Variants in CNTNAP2 observed in about 807,000 individuals in gnomAD.
The protein encoded by CNTNAP2 is contactin-associated protein-like 2.
Under a neutral mutation model 155.2 loss-of-function variants are expected in CNTNAP2, and 98 were observed. That is an observed-to-expected ratio of 0.63 (90% CI 0.54 to 0.75). The LOEUF is 0.75. Ranked by LOEUF, CNTNAP2 falls within the 30% of genes least tolerant of loss-of-function variation. The pLI, the probability that CNTNAP2 is intolerant of heterozygous loss-of-function variation, is 0.00. For missense variants in CNTNAP2, 1,727 were observed against 1,688.1 expected (o/e 1.02, Z -0.40); for synonymous variants, 651 against 631.2 (o/e 1.03, Z -0.47).
At chr7:146,280,577 GC>G (rs1284928735) in intron 1 of CNTNAP2, among the ~76,000 whole-genome samples, 2 of 152,126 alleles carry the variant, frequency 1.3e-5, no homozygotes, top group Non-Finnish European at 2.9e-5. Flanking sequence ...GAGAGTCTGA[GC>G]CTCAGTGATT....
chr7:146,763,737 T>C (rs771076572), intron 1 of CNTNAP2, among the ~76,000 whole-genome samples: 3 of 152,364 alleles, frequency 2.0e-5, no homozygotes, highest in Non-Finnish European at 2.9e-5. Context: ...CAGTCATTTC[T>C]TTACCTATAA....
At chr7:147,173,388 G>A (rs1250812643) in intron 8 of CNTNAP2, among the ~76,000 whole-genome samples, 1 of 151,672 alleles carries the variant, frequency 6.6e-6, no homozygotes, top group Non-Finnish European at 1.5e-5. Context: ...TGTTTATGAA[G>A]TACCTAAGAA....
chr7:146,480,687 C>CT (rs34440695), intron 1 of CNTNAP2, among the ~76,000 whole-genome samples: 2,013 of 121,166 alleles, frequency 0.017, 40 homozygotes, highest in African/African-American at 0.034. Flanking sequence ...TTTTTTTTTC[C>CT]TTTTTTTTTT....
chr7:147,195,825 G>A (rs528145203), intron 8 of CNTNAP2, among the ~76,000 whole-genome samples: 72 of 152,102 alleles, frequency 4.7e-4, no homozygotes, highest in South Asian at 3.7e-3. Context: ...TGAGATGATG[G>A]GGTTTTAAGA....
intron 13 of CNTNAP2, among the ~76,000 whole-genome samples, chr7:147,727,037 A>ATG: frequency 6.6e-6 from 1 of 151,778 alleles, no homozygotes; most frequent in South Asian, 2.1e-4. Flanking sequence ...ATATATATAT[A>ATG]TATGTCCAAC....
intron 3 of CNTNAP2, among the ~76,000 whole-genome samples, chr7:146,853,147 C>T (rs7780475): frequency 0.33 from 49,599 of 152,020 alleles, 8,552 homozygotes; most frequent in African/African-American, 0.46. Context: ...TATGACATAG[C>T]AGGAATATCC....
At chr7:146,428,286 G>C (rs1411182953) in intron 1 of CNTNAP2, among the ~76,000 whole-genome samples, 2 of 152,060 alleles carry the variant, frequency 1.3e-5, no homozygotes, top group African/African-American at 2.4e-5. Flanking sequence ...GGGTCAAATG[G>C]TATTTCTGCC....
intron 2 of CNTNAP2, among the ~76,000 whole-genome samples, chr7:146,811,921 C>T (rs207468749): frequency 2.0e-5 from 3 of 152,110 alleles, no homozygotes; most frequent in South Asian, 2.1e-4. Context: ...CCCCTTCTGC[C>T]ATGATTGTAA....
At chr7:148,015,731 A>G (rs1162470848) in intron 15 of CNTNAP2, among the ~76,000 whole-genome samples, 1 of 152,226 alleles carries the variant, frequency 6.6e-6, no homozygotes, top group Non-Finnish European at 1.5e-5. Context: ...ATCCTTCTGC[A>G]TGCATTTTGC....
In CNTNAP2 at chr7:146,312,918, C is replaced by T. The variant is rs1236569129; in HGVS notation, c.97+195945C>T. On this transcript the variant is annotated intron_variant, in intron 1 of 23. Coordinates refer to ENST00000361727, the MANE Select transcript of CNTNAP2 (RefSeq NM_014141.6). ...TCTTTTTTAAGGGTATATAGTATTC[C>T]ATAGTGTATATATACTGCATTTTCT... 2.0e-5 allele frequency among the ~76,000 whole-genome samples: 3 copies of T among 152,038 alleles called. No individual in the cohort carries two copies. The East Asian group carries it at 5.8e-4, about 29-fold the overall frequency.
chr7:147,765,938 C>T (rs570671409), intron 13 of CNTNAP2, among the ~76,000 whole-genome samples: 3 of 152,322 alleles, frequency 2.0e-5, no homozygotes, highest in African/African-American at 4.8e-5. Flanking sequence ...ATGGATGAAT[C>T]TCTACAACAC....
At chr7:148,023,154 C>T (rs1047860980) in intron 15 of CNTNAP2, among the ~76,000 whole-genome samples, 3 of 152,078 alleles carry the variant, frequency 2.0e-5, no homozygotes, top group Non-Finnish European at 4.4e-5. Context: ...TGAAATTACC[C>T]GTTTCCAATA....
At position 148,365,052 on chromosome 7, in the gene CNTNAP2, G is replaced by A. The variant is rs982070309; in HGVS notation, c.3476-18597G>A. 1.6e-4 allele frequency among the ~76,000 whole-genome samples: 25 copies of A among 152,168 alleles called. 1 individual carries two copies. Among genetic ancestry groups the A allele is most frequent in the Non-Finnish European group, 2.8e-4 (19 of 68,036 alleles). On this transcript the variant is annotated intron_variant, in intron 21 of 23. Transcript: ENST00000361727. ...CACCTTAAGAGCTGTAACAGTCACC[G>A]CGAGGGTCCGCGGCTTCATTCTTGA... is the stretch of plus-strand genomic sequence containing the variant.
At position 146,145,820 on chromosome 7, in the gene CNTNAP2, A is replaced by G. The variant is rs556277911; in HGVS notation, c.97+28847A>G. On this transcript the variant is annotated intron_variant, in intron 1 of 23. Coordinates refer to ENST00000361727, the MANE Select transcript of CNTNAP2 (RefSeq NM_014141.6). ...TATATCAGCTTTTGAAGACAGCTGT[A>G]CCTAAATCCAGCCATCCAAATGGGA... Among the ~76,000 whole-genome samples, 9 of 152,304 alleles carry G rather than the reference A, an allele frequency of 5.9e-5. No individual in the cohort carries two copies. The South Asian group carries it at 1.9e-3, about 32-fold the overall frequency.
intron 3 of CNTNAP2, among the ~76,000 whole-genome samples, chr7:146,855,190 T>C (rs1585123731): frequency 6.6e-6 from 1 of 152,156 alleles, no homozygotes; most frequent in African/African-American, 2.4e-5. Flanking sequence ...ATACACTCTT[T>C]TGGGAAGAAT....
chr7:147,545,817 C>T (rs1799718989), intron 11 of CNTNAP2, among the ~76,000 whole-genome samples: 1 of 152,184 alleles, frequency 6.6e-6, no homozygotes, highest in Admixed American at 6.5e-5. Flanking sequence ...TTGTAGCTCC[C>T]ATAATTCCCA....
chr7:147,476,972 T>C (rs1049567796), intron 10 of CNTNAP2, among the ~76,000 whole-genome samples: 1 of 144,314 alleles, frequency 6.9e-6, no homozygotes. Context: ...TGTGGTGAAA[T>C]AAAATGTATC....
chr7:146,840,583 CCAGAAGAAG>C (rs1803703121), intron 3 of CNTNAP2, among the ~76,000 whole-genome samples: 1 of 149,780 alleles, frequency 6.7e-6, no homozygotes, highest in South Asian at 2.1e-4. Context: ...CAATATTAAA[CCAGAAGAAG>C]AAGAAGAAAA....
At chr7:148,058,308 C>T (rs890845343) in intron 15 of CNTNAP2, among the ~76,000 whole-genome samples, 1 of 152,118 alleles carries the variant, frequency 6.6e-6, no homozygotes, top group Non-Finnish European at 1.5e-5. Flanking sequence ...GATGCGAATA[C>T]ATGCCTATCC....
Sources: gnomAD v4.1 joint callset for allele counts (sites outside exome capture counted in the v4.1 genomes callset) on GRCh38, gnomAD v4.1.1 for gene constraint, MANE v1.5 for transcripts, NCBI Gene and HGNC (gene_info 2026-07-23, HGNC 2026-07-21) for gene names.